Variants in CNTNAP2 observed in about 807,000 individuals in gnomAD.
CNTNAP2 encodes the protein contactin-associated protein-like 2.
A neutral mutation model predicts 155.2 loss-of-function variants in CNTNAP2; 98 were observed. The ratio of observed to expected loss-of-function variants is 0.63; its 90% CI spans 0.54 to 0.75. The LOEUF (loss-of-function observed/expected upper bound fraction) is 0.75. Ranked by LOEUF, CNTNAP2 falls within the 30% of genes least tolerant of loss-of-function variation. The probability of loss-of-function intolerance (pLI) is 0.00; values close to 1 mark genes in which losing one functional copy is unlikely to be tolerated. For missense variants in CNTNAP2, 1,727 were observed against 1,688.1 expected (o/e 1.02, Z -0.40); for synonymous variants, 651 against 631.2 (o/e 1.03, Z -0.47).
At chr7:146,180,307 T>C (rs1419898522) in intron 1 of CNTNAP2, among the ~76,000 whole-genome samples, 1 of 151,994 alleles carries the variant, frequency 6.6e-6, no homozygotes, top group Non-Finnish European at 1.5e-5. Context: ...TTTTCTTTTT[T>C]TCTTTCCTTT....
intron 9 of CNTNAP2, among the ~76,000 whole-genome samples, chr7:147,375,291 AGAT>A (rs1796415816): frequency 6.6e-6 from 1 of 151,940 alleles, no homozygotes; most frequent in Non-Finnish European, 1.5e-5. Context: ...TCTATTTAAG[AGAT>A]GATGACAAAC....
At chr7:146,535,021 C>A (rs1474430912) in intron 1 of CNTNAP2, among the ~76,000 whole-genome samples, 1 of 119,054 alleles carries the variant, frequency 8.4e-6, no homozygotes, top group Non-Finnish European at 1.7e-5. Flanking sequence ...GTGCCATGTC[C>A]ATCTTTTCTA....
At chr7:148,297,054 T>C (rs982055618) in intron 21 of CNTNAP2, among the ~76,000 whole-genome samples, 3 of 151,888 alleles carry the variant, frequency 2.0e-5, no homozygotes, top group Non-Finnish European at 4.4e-5. Flanking sequence ...CATATATCTG[T>C]AGACTGGTAA....
In CNTNAP2 at chr7:146,461,102, T is replaced by G. The variant is rs528968302; in HGVS notation, c.98-313169T>G. Among the ~76,000 whole-genome samples the G allele has an allele frequency of 3.4e-4, 52 of 152,206 alleles. 2 individuals carry two copies. The East Asian group carries it at 9.5e-3, about 28-fold the overall frequency. On this transcript the variant is annotated intron_variant, in intron 1 of 23. Transcript: ENST00000361727. Reference sequence around the variant, plus strand: ...ACCATAAAAATATGTAATATTTATTTGTTAATAATACCTTAATAAGGCTGG... The same window carrying G: ...ACCATAAAAATATGTAATATTTATTGGTTAATAATACCTTAATAAGGCTGG...
chr7:147,069,594 G>A (rs911308135), intron 4 of CNTNAP2, among the ~76,000 whole-genome samples: 1 of 152,208 alleles, frequency 6.6e-6, no homozygotes, highest in African/African-American at 2.4e-5. Flanking sequence ...GGGGAGGGAA[G>A]AGGTCACATA....
In CNTNAP2 at chr7:148,375,295, T is replaced by C. The variant is rs577640559; in HGVS notation, c.3476-8354T>C. Among the ~76,000 whole-genome samples the C allele has an allele frequency of 4.0e-5, 6 of 148,150 alleles. No individual in the cohort carries two copies. The South Asian group carries it at 1.0e-3, about 26-fold the overall frequency. ...ACATATATGTATATATACAACTATA[T>C]AAATATATAAACTATAAATATAAAA... On this transcript the variant is annotated intron_variant, in intron 21 of 23. Transcript: ENST00000361727.
At chr7:147,094,767 G>A (rs1449604491) in intron 4 of CNTNAP2, among the ~76,000 whole-genome samples, 1 of 152,062 alleles carries the variant, frequency 6.6e-6, no homozygotes, top group Non-Finnish European at 1.5e-5. Context: ...TACGTTTTTA[G>A]TATTTGCTGC....
chr7:146,305,619 G>A (rs1000772002), intron 1 of CNTNAP2, among the ~76,000 whole-genome samples: 3 of 151,948 alleles, frequency 2.0e-5, no homozygotes, highest in African/African-American at 7.3e-5. Flanking sequence ...TCCTTCCTCT[G>A]GAAGCTTTGT....
At chr7:148,130,439 CT>C (rs1476281743) in intron 16 of CNTNAP2, among the ~76,000 whole-genome samples, 1 of 152,164 alleles carries the variant, frequency 6.6e-6, no homozygotes, top group East Asian at 1.9e-4. Context: ...TTCAGACAGG[CT>C]CATAATTTGA....
intron 3 of CNTNAP2, among the ~76,000 whole-genome samples, chr7:146,880,373 G>C (rs1795521600): frequency 6.6e-6 from 1 of 151,902 alleles, no homozygotes; most frequent in Admixed American, 6.6e-5. Context: ...CTGTAAGCCA[G>C]GAAAAGGGCC....
chr7:147,016,309 G>C (rs753345686), intron 3 of CNTNAP2, among the ~76,000 whole-genome samples: 3 of 151,960 alleles, frequency 2.0e-5, no homozygotes, highest in Admixed American at 6.6e-5. Flanking sequence ...GTTCAAGCCG[G>C]ATGTGCTCCT....
At chr7:146,459,875 C>A (rs1796610677) in intron 1 of CNTNAP2, among the ~76,000 whole-genome samples, 1 of 152,114 alleles carries the variant, frequency 6.6e-6, no homozygotes, top group Non-Finnish European at 1.5e-5. Context: ...GAGGCTGAGG[C>A]ATGAGAATTG....
chr7:147,522,600 T>G (rs1016022982), intron 11 of CNTNAP2, among the ~76,000 whole-genome samples: 1 of 151,958 alleles, frequency 6.6e-6, no homozygotes, highest in African/African-American at 2.4e-5. Flanking sequence ...AATGGCTTGG[T>G]GGGATAAGGA....
chr7:148,085,955 A>G (rs1349592152), intron 15 of CNTNAP2, among the ~76,000 whole-genome samples: 1 of 152,136 alleles, frequency 6.6e-6, no homozygotes, highest in Non-Finnish European at 1.5e-5. Flanking sequence ...GCCATATTAA[A>G]TTTTCAGTCA....
chr7:146,145,095 T>C (rs1055626590), intron 1 of CNTNAP2, among the ~76,000 whole-genome samples: 1 of 152,150 alleles, frequency 6.6e-6, no homozygotes, highest in Non-Finnish European at 1.5e-5. Context: ...GCAAAATAAA[T>C]ATACAAAATG....
intron 21 of CNTNAP2, among the ~76,000 whole-genome samples, chr7:148,343,007 T>A (rs1348081956): frequency 6.6e-6 from 1 of 152,194 alleles, no homozygotes; most frequent in Non-Finnish European, 1.5e-5. Context: ...CACACTCTCA[T>A]CTTCAATTAA....
intron 1 of CNTNAP2, among the ~76,000 whole-genome samples, chr7:146,416,923 T>C (rs1795945956): frequency 6.6e-6 from 1 of 152,068 alleles, no homozygotes; most frequent in Non-Finnish European, 1.5e-5. Context: ...ACTCAAAAAA[T>C]TCCCCAAGCA....
intron 3 of CNTNAP2, among the ~76,000 whole-genome samples, chr7:146,844,540 C>G (rs755314045): frequency 3.3e-5 from 5 of 152,062 alleles, no homozygotes; most frequent in Admixed American, 2.6e-4. Flanking sequence ...TCTGTATAAG[C>G]ATTTTGTATC....
In CNTNAP2 at chr7:148,232,095, A is replaced by G. The variant is rs529540938; in HGVS notation, c.3381+2316A>G. On this transcript the variant is annotated intron_variant, in intron 20 of 23. Transcript: ENST00000361727. Reference sequence around the variant, plus strand: ...ACCCACGTGAGGGCAACTAGGAAAGATGTCACGGCCTGGGGAGCTCCAATC... The same window carrying G: ...ACCCACGTGAGGGCAACTAGGAAAGGTGTCACGGCCTGGGGAGCTCCAATC... Among the ~76,000 whole-genome samples the G allele has an allele frequency of 2.0e-3, 312 of 152,292 alleles. 1 individual carries two copies. The highest frequency in any genetic ancestry group is 3.9e-3 in the Non-Finnish European group (262 of 68,018).
Sources: allele counts gnomAD v4.1 joint callset (sites outside exome capture counted in the v4.1 genomes callset), GRCh38; gene constraint gnomAD v4.1.1; transcripts MANE v1.5; gene names NCBI Gene and HGNC (gene_info 2026-07-23, HGNC 2026-07-21).